The following DCHS2 variants were observed in gnomAD, a reference collection of about 807,000 sequenced individuals.
DCHS2 encodes the protein dachsous cadherin-related 2, also known as protocadherin-23.
In DCHS2, 142 loss-of-function variants were observed where a neutral mutation model predicts 182.4. The observed-to-expected ratio is 0.78, with a 90% CI of 0.68 to 0.89. DCHS2 has a LOEUF of 0.89. DCHS2 is among the 40% of genes least tolerant of loss of function. The probability of loss-of-function intolerance (pLI) is 0.00; values close to 1 mark genes in which losing one functional copy is unlikely to be tolerated. For missense variants in DCHS2, 4,319 were observed against 4,198.6 expected (o/e 1.03, Z -0.79); for synonymous variants, 1,740 against 1,663.3 (o/e 1.05, Z -1.12).
At chr4:154,469,046 C>G (rs911706942) in intron 1 of DCHS2, among the ~76,000 whole-genome samples, 2 of 152,002 alleles carry the variant, frequency 1.3e-5, no homozygotes, top group African/African-American at 4.8e-5. Flanking sequence ...TAAATATATA[C>G]AATTTTTACT....
chr4:154,296,896 C>G (rs778607431), intron 13 of DCHS2, among the ~76,000 whole-genome samples: 2 of 152,092 alleles, frequency 1.3e-5, no homozygotes, highest in Non-Finnish European at 2.9e-5. Context: ...GAGAAAATAA[C>G]GCTGGCAGCT....
chr4:154,381,283 T>A (rs1163719313), intron 1 of DCHS2, among the ~76,000 whole-genome samples: 1 of 152,108 alleles, frequency 6.6e-6, no homozygotes, highest in Non-Finnish European at 1.5e-5. Context: ...CTTTCACAAG[T>A]TTGATGGAAA....
intron 13 of DCHS2, among the ~76,000 whole-genome samples, chr4:154,293,239 G>C (rs955992911): frequency 6.6e-6 from 1 of 151,758 alleles, no homozygotes; most frequent in African/African-American, 2.4e-5. Flanking sequence ...TTTCGCTCTT[G>C]TTGCCCAGGC....
At chr4:154,343,448 C>A in intron 3 of DCHS2, 1 of 1,393,806 alleles carries the variant, frequency 7.2e-7, no homozygotes, top group Non-Finnish European at 9.4e-7. Flanking sequence ...CATTGAAAAT[C>A]TATTGTTTAG....
At chr4:154,392,837 A>G (rs1452912054) in intron 1 of DCHS2, among the ~76,000 whole-genome samples, 1 of 152,208 alleles carries the variant, frequency 6.6e-6, no homozygotes, top group African/African-American at 2.4e-5. Context: ...GCTTAGTGTC[A>G]GGGAAAGTCA....
chr4:154,278,283 A>G (rs1441418494), intron 13 of DCHS2, among the ~76,000 whole-genome samples: 2 of 152,096 alleles, frequency 1.3e-5, no homozygotes, highest in African/African-American at 4.8e-5. Context: ...GTGAACTTGA[A>G]GACAGATCAT....
chr4:154,274,560 C>T (rs532145671), intron 13 of DCHS2, among the ~76,000 whole-genome samples: 2 of 152,224 alleles, frequency 1.3e-5, no homozygotes, highest in East Asian at 3.9e-4. Flanking sequence ...ATTAGTTTTG[C>T]TTTGAAAATT....
intron 2 of DCHS2, among the ~76,000 whole-genome samples, chr4:154,376,054 GTT>G (rs2110802171): frequency 6.6e-6 from 1 of 152,028 alleles, no homozygotes; most frequent in African/African-American, 2.4e-5. Context: ...GTCAACAGTG[GTT>G]TCTAAAAAGG....
chr4:154,414,179 T>TTATA (rs759077609), intron 1 of DCHS2, among the ~76,000 whole-genome samples: 3,750 of 147,340 alleles, frequency 0.025, 53 homozygotes, highest in Non-Finnish European at 0.034. Flanking sequence ...AATAAATCAA[T>TTATA]TATATATATA....
intron 13 of DCHS2, among the ~76,000 whole-genome samples, chr4:154,291,776 GAA>G (rs1561016540): frequency 1.4e-5 from 2 of 145,174 alleles, no homozygotes; most frequent in African/African-American, 2.9e-5. Flanking sequence ...ATACAGAGAA[GAA>G]GGATGGTTAC....
chr4:154,464,988 C>A (rs1735178983), intron 1 of DCHS2, among the ~76,000 whole-genome samples: 1 of 152,212 alleles, frequency 6.6e-6, no homozygotes, highest in South Asian at 2.1e-4. Flanking sequence ...CCCCAGGCAA[C>A]TGGCAGAAGG....
At position 154,441,880 on chromosome 4, in the gene DCHS2, G is replaced by T. The variant is rs1734030143; in HGVS notation, c.2052+47424C>A. 2.0e-5 allele frequency among the ~76,000 whole-genome samples: 3 copies of T among 152,170 alleles called. No homozygotes were observed. In the South Asian group the frequency reaches 6.2e-4, roughly 32 times the overall value. The stretch of plus-strand genomic sequence containing the variant: ...GAGGAGGGAAAAAGACATAAACCGG[G>T]GCCACAGTCGATTGCATCCAGGTAA... On this transcript the variant is annotated intron_variant, in intron 1 of 19. Transcript: ENST00000357232.
rs1356336562 is a variant in DCHS2 at position 154,357,498 on chromosome 4, C to A, written c.2476+8712G>T. The stretch of plus-strand genomic sequence containing the variant: ...CAGACCCTTGGATGAGAGTAAAATG[C>A]AGGTTAGTTCACTGCAACCTTGGTG... On this transcript the variant is annotated intron_variant, in intron 3 of 19. Transcript: ENST00000357232. Among the ~76,000 whole-genome samples, 4 of 152,166 alleles carry A rather than the reference C, an allele frequency of 2.6e-5. No homozygotes were observed. In the East Asian group the frequency reaches 7.7e-4, roughly 29 times the overall value.
intron 1 of DCHS2, among the ~76,000 whole-genome samples, chr4:154,480,232 C>T (rs568315820): frequency 1.3e-5 from 2 of 152,082 alleles, no homozygotes; most frequent in African/African-American, 2.4e-5. Context: ...AAAATCAAAT[C>T]GTGTTTAAGG....
At chr4:154,262,825 A>C (rs1733052126) in intron 14 of DCHS2, among the ~76,000 whole-genome samples, 1 of 152,160 alleles carries the variant, frequency 6.6e-6, no homozygotes, top group South Asian at 2.1e-4. Flanking sequence ...GTTTTGCGCC[A>C]CTCTAATAAA....
chr4:154,290,984 C>G (rs966505151), intron 13 of DCHS2, among the ~76,000 whole-genome samples: 4 of 151,994 alleles, frequency 2.6e-5, no homozygotes, highest in Non-Finnish European at 5.9e-5. Flanking sequence ...AGGAAAGAAT[C>G]AGAAAAGTGA....
At chr4:154,463,569 T>A (rs1735106644) in intron 1 of DCHS2, among the ~76,000 whole-genome samples, 1 of 152,146 alleles carries the variant, frequency 6.6e-6, no homozygotes, top group Admixed American at 6.6e-5. Context: ...AGAATCAGAA[T>A]CTTTTGGAGA....
rs188927320 is a variant in DCHS2 at position 154,308,611 on chromosome 4, T to C, written c.5261-3380A>G. 1.7e-3 allele frequency among the ~76,000 whole-genome samples: 260 copies of C among 152,326 alleles called. 1 individual carries two copies. The highest frequency in any genetic ancestry group is 2.8e-3 in the Non-Finnish European group (193 of 68,026). Reference sequence around the variant, plus strand: ...GTTTCTCTCTAGAGTGGAAGATGATTAAATCAACGAGTAATGGAAAGTGTG... The same window carrying C: ...GTTTCTCTCTAGAGTGGAAGATGATCAAATCAACGAGTAATGGAAAGTGTG... On this transcript the variant is annotated intron_variant, in intron 10 of 19. Transcript: ENST00000357232.
rs1476860796 is a variant in DCHS2 at position 154,433,381 on chromosome 4, GTTTTTTTTTTTTCCTTTT to G, written c.2052+55905_2052+55922del. Among the ~76,000 whole-genome samples the G allele has an allele frequency of 7.1e-4, 91 of 127,584 alleles. 1 individual carries two copies. In the East Asian group the frequency reaches 0.017, roughly 24 times the overall value. 83.7% of individuals were successfully genotyped at this position (127,584 alleles called of 152,430 possible). On this transcript the variant is annotated intron_variant, in intron 1 of 19. Transcript: ENST00000357232. ...AAAACTGTGAGAAAACAAATAACTAGTTTTTTTTTTTTCCTTTTTTTTTTTTTTTTTTGAGACAGAGTC... is the reference window on the plus strand; with the variant it reads ...AAAACTGTGAGAAAACAAATAACTAGTTTTTTTTTTTTTTGAGACAGAGTC...
Sources: allele counts gnomAD v4.1 joint callset (sites outside exome capture counted in the v4.1 genomes callset), GRCh38; gene constraint gnomAD v4.1.1; transcripts MANE v1.5; gene names NCBI Gene and HGNC (gene_info 2026-07-23, HGNC 2026-07-21).